The following TSPAN3 variants were observed in gnomAD, a reference collection of about 807,000 sequenced individuals.
TSPAN3 encodes tetraspanin-3.
A neutral mutation model predicts 31.1 loss-of-function variants in TSPAN3; 9 were observed. That is an observed-to-expected ratio of 0.29 (90% confidence interval 0.17 to 0.50). The LOEUF (loss-of-function observed/expected upper bound fraction) is 0.50. TSPAN3 is among the 20% of genes least tolerant of loss of function. The probability of loss-of-function intolerance (pLI) is 0.98; values close to 1 mark genes in which losing one functional copy is unlikely to be tolerated. For missense variants in TSPAN3, 252 were observed against 313.5 expected (o/e 0.80, Z 1.48); for synonymous variants, 129 against 114.3 (o/e 1.13, Z -0.82).
In TSPAN3 at chr15:77,070,584, G is replaced by C. The variant is rs112279626; in HGVS notation, c.63+308C>G. Among the ~76,000 whole-genome samples, 1,202 of 150,938 alleles carry C rather than the reference G, an allele frequency of 8.0e-3. 14 individuals carry two copies. Among genetic ancestry groups the C allele is most frequent in the African/African-American group, 0.027 (1,101 of 41,000 alleles). On this transcript the variant is annotated intron_variant, in intron 1 of 6. Transcript: ENST00000267970. ...GCTCTCCGTCCAGCCGGCGACTCCG[G>C]GGGGGGGAGACTGGGGCGCCTGGCA...
chr15:77,070,854 C>T (rs1247902167), intron 1 of TSPAN3, 38 bp downstream of exon 1: 12 of 1,251,572 alleles, frequency 9.6e-6, no homozygotes, highest in African/African-American at 3.2e-5. Flanking sequence ...CTCGCCCGGC[C>T]CCGCCGCCGG....
chr15:77,063,400 A>C (rs771025188), intron 1 of TSPAN3: 1 of 151,018 alleles, frequency 6.6e-6, no homozygotes, highest in Non-Finnish European at 1.5e-5. Flanking sequence ...TTTTTTTAAG[A>C]CAGGGTCTTG....
chr15:77,055,524 G>A, intron 3 of TSPAN3: 1 of 309,516 alleles, frequency 3.2e-6, no homozygotes, highest in South Asian at 8.8e-5. Flanking sequence ...GAGGAAATCT[G>A]AACAAACTTC....
At chr15:77,054,069 G>A (rs2076751930) in intron 4 of TSPAN3, 109 bp downstream of exon 4, 1 of 758,760 alleles carries the variant, frequency 1.3e-6, no homozygotes, top group African/African-American at 1.7e-5. Flanking sequence ...CATCAGGATA[G>A]CCATGTATGT....
At chr15:77,066,261 G>C (rs2076832128) in intron 1 of TSPAN3, among the ~76,000 whole-genome samples, 1 of 152,144 alleles carries the variant, frequency 6.6e-6, no homozygotes, top group African/African-American at 2.4e-5. Context: ...TTACAGAATA[G>C]GCTAATGCCT....
chr15:77,054,557 A>C (rs2076755470), intron 3 of TSPAN3: 1 of 206,854 alleles, frequency 4.8e-6, no homozygotes, highest in Admixed American at 5.5e-5. Context: ...TGTATTCAAA[A>C]GGGAGAAAAG....
In TSPAN3 at chr15:77,055,779, G is replaced by A. The variant is rs1213550724; in HGVS notation, c.330+10C>T. 1 of 1,592,660 alleles carries A rather than the reference G, an allele frequency of 6.3e-7. No individual in the cohort carries two copies. The highest frequency in any genetic ancestry group is 1.2e-5 in the South Asian group (1 of 86,230). On this transcript the variant is annotated intron_variant, in intron 3 of 6. Coordinates refer to ENST00000267970, the MANE Select transcript of TSPAN3 (RefSeq NM_005724.6). ...TTAAGGCATTATGTGAATTACAGTA[G>A]ACAACATACCTTTGCTCTGTAAACA...
rs370346174 is a variant in TSPAN3, at chr15:77,043,129, CG to C, written c.*3705del. On this transcript the variant is annotated 3_prime_UTR_variant, in exon 7 of 7. Coordinates refer to ENST00000267970, the MANE Select transcript of TSPAN3 (RefSeq NM_005724.6). ...ACAGCTCTCTGCTCCTGTGGCTTGG[CG>C]GGGGGGCACCTCCAGTAAGTTGATT... is the stretch of plus-strand genomic sequence containing the variant. 5.9e-5 allele frequency: 9 copies of C among 152,208 alleles called. No homozygotes were observed. Among genetic ancestry groups the C allele is most frequent in the African/African-American group, 1.7e-4 (7 of 41,442 alleles). 9.4% of individuals were successfully genotyped at this position (152,208 alleles called of 1,614,324 possible).
intron 1 of TSPAN3, among the ~76,000 whole-genome samples, chr15:77,057,308 T>C (rs1212812527): frequency 6.6e-6 from 1 of 152,218 alleles, no homozygotes; most frequent in African/African-American, 2.4e-5. Context: ...ACAAGAAGTA[T>C]TTCATCATCC....
chr15:77,065,860 C>T (rs143734756), intron 1 of TSPAN3, among the ~76,000 whole-genome samples: 108 of 152,188 alleles, frequency 7.1e-4, no homozygotes, highest in African/African-American at 2.5e-3. Flanking sequence ...ATTTAAAAGG[C>T]GTTTGACTTT....
rs376931567 is a variant in TSPAN3, at chr15:77,056,081, G to A, written c.238C>T (p.Arg80Cys). 2.7e-5 allele frequency: 44 copies of A among 1,609,034 alleles called. No individual in the cohort carries two copies. Among genetic ancestry groups the A allele is most frequent in the African/African-American group, 1.1e-4 (8 of 74,674 alleles). Residue 80 changes from arginine (R) to cysteine (C), a missense_variant, in exon 2 of 7, where the codon CGC becomes TGC. Coordinates refer to ENST00000267970, the MANE Select transcript of TSPAN3 (RefSeq NM_005724.6). ...CATCTTACCGTGGCAAGTCCACAGC[G>A]ACTTTCCCGGATTGTGGCACAGCAG... is the stretch of plus-strand genomic sequence containing the variant. The part of the protein sequence containing the change: ...IGCCATIRES[R>C]CGLATFVIIL...
rs970287734 is a variant in TSPAN3 at position 77,071,065 on chromosome 15, T to A, written c.-111A>T. 1.4e-6 allele frequency: 1 copy of A among 711,484 alleles called. No individual in the cohort carries two copies. Among genetic ancestry groups the A allele is most frequent in the Admixed American group, 4.8e-5 (1 of 20,784 alleles). The allele number at this position is 711,484 out of a possible 1,614,324, so 44.1% of individuals were successfully genotyped here. On this transcript the variant is annotated 5_prime_UTR_variant, in exon 1 of 7. Coordinates refer to ENST00000267970, the MANE Select transcript of TSPAN3 (RefSeq NM_005724.6). ...AGGAACTGCACGGCCTGCGCGGCGCTCCCCGCAGCCCCTGCGCCGTCGCGC... is the reference window on the plus strand; with the variant it reads ...AGGAACTGCACGGCCTGCGCGGCGCACCCCGCAGCCCCTGCGCCGTCGCGC...
chr15:77,053,234 G>A (rs899710180), intron 4 of TSPAN3, among the ~76,000 whole-genome samples: 1 of 151,790 alleles, frequency 6.6e-6, no homozygotes, highest in Admixed American at 6.6e-5. Flanking sequence ...AGTGGCTCAC[G>A]CCTGTAATCC....
At position 77,062,445 on chromosome 15, in the gene TSPAN3, C is replaced by T. The variant is rs74025053; in HGVS notation, c.64-6190G>A. On this transcript the variant is annotated intron_variant, in intron 1 of 6. Coordinates refer to ENST00000267970, the MANE Select transcript of TSPAN3 (RefSeq NM_005724.6). ...AGGAAAAAAGGCCATTCCAAAGACT[C>T]CAAATCCTCTTTCAGAAATTAAAGC... Among the ~76,000 whole-genome samples the T allele has an allele frequency of 5.4e-3, 821 of 152,328 alleles. 7 individuals carry two copies. Among genetic ancestry groups the T allele is most frequent in the African/African-American group, 0.018 (768 of 41,560 alleles).
At chr15:77,062,881 G>A (rs532225779) in intron 1 of TSPAN3, among the ~76,000 whole-genome samples, 188 of 152,282 alleles carry the variant, frequency 1.2e-3, no homozygotes, top group Non-Finnish European at 2.0e-3. Flanking sequence ...CTTGTGGTGT[G>A]ATAGGGGAAA....
At chr15:77,055,966 A>C in intron 2 of TSPAN3, 98 bp downstream of exon 2, 1 of 1,518,590 alleles carries the variant, frequency 6.6e-7, no homozygotes, top group South Asian at 1.3e-5. Flanking sequence ...AGAAGTTTAA[A>C]TGTTAACTCT....
intron 1 of TSPAN3, chr15:77,063,985 T>TAG (rs1157535724): frequency 6.6e-6 from 1 of 152,230 alleles, no homozygotes; most frequent in African/African-American, 2.4e-5. Flanking sequence ...TTTGTAATGC[T>TAG]AGAGTTCATC....
chr15:77,053,973 A>AT (rs891523856), intron 4 of TSPAN3, among the ~76,000 whole-genome samples: 4 of 152,190 alleles, frequency 2.6e-5, no homozygotes, highest in African/African-American at 9.7e-5. Context: ...AAATCAGATG[A>AT]TAAAAAAAAG....
chr15:77,061,996 GAAGTAA>G (rs1467185599), intron 1 of TSPAN3, among the ~76,000 whole-genome samples: 21 of 152,254 alleles, frequency 1.4e-4, no homozygotes, highest in African/African-American at 4.3e-4. Flanking sequence ...AAAAAGTCAA[GAAGTAA>G]AAGACTGAGC....
Sources: gnomAD v4.1 joint callset for allele counts (sites outside exome capture counted in the v4.1 genomes callset) on GRCh38, gnomAD v4.1.1 for gene constraint, MANE v1.5 for transcripts, NCBI Gene and HGNC (gene_info 2026-07-23, HGNC 2026-07-21) for gene names.